Variants in REEP1 observed in about 807,000 individuals in gnomAD.
REEP1 encodes receptor expression-enhancing protein 1.
REEP1 carries 22 observed loss-of-function variants against 40.3 expected under a neutral mutation model. The observed-to-expected ratio is 0.55, with a 90% CI of 0.39 to 0.78. REEP1 has a LOEUF of 0.78. Among genes scored for constraint, REEP1 ranks in the 30% least tolerant of loss-of-function variants. The pLI, the probability that REEP1 is intolerant of heterozygous loss-of-function variation, is 0.00. For missense variants in REEP1, 280 were observed against 361.1 expected, an observed-to-expected ratio of 0.78 and a Z score of 1.82; for synonymous variants, 116 against 139.2, an observed-to-expected ratio of 0.83 and a Z score of 1.17.
chr2:86,321,701 G>A (rs969413210), intron 1 of REEP1, among the ~76,000 whole-genome samples: 3 of 152,186 alleles, frequency 2.0e-5, no homozygotes, highest in Admixed American at 6.5e-5. Context: ...AGACCAAAAA[G>A]AAATCACATT....
At chr2:86,338,036 C>A, upstream of REEP1, 2 of 1,537,238 alleles carry the variant, frequency 1.3e-6, no homozygotes, top group Non-Finnish European at 1.7e-6. Context: ...GGATCCAGAC[C>A]TAACCTCTTC....
chr2:86,334,323 G>C (rs2104552007), intron 1 of REEP1, among the ~76,000 whole-genome samples: 1 of 152,260 alleles, frequency 6.6e-6, no homozygotes, highest in African/African-American at 2.4e-5. Flanking sequence ...CACAGTGATA[G>C]GTCTTCCTTA....
intron 5 of REEP1, among the ~76,000 whole-genome samples, chr2:86,246,428 A>G (rs185538587): frequency 1.3e-5 from 2 of 152,312 alleles, no homozygotes; most frequent in East Asian, 3.9e-4. Flanking sequence ...GCTTTCTTCA[A>G]TAGGTGGACT....
intron 5 of REEP1, among the ~76,000 whole-genome samples, chr2:86,246,033 G>A (rs1384133641): frequency 6.6e-6 from 1 of 152,026 alleles, no homozygotes; most frequent in East Asian, 1.9e-4. Context: ...CAAAGTGCTG[G>A]GATTACAGGC....
At chr2:86,320,754 T>G (rs1228369619) in intron 1 of REEP1, among the ~76,000 whole-genome samples, 1 of 152,208 alleles carries the variant, frequency 6.6e-6, no homozygotes, top group Non-Finnish European at 1.5e-5. Flanking sequence ...TAGACATGGC[T>G]GAGGAGACAG....
intron 3 of REEP1, among the ~76,000 whole-genome samples, chr2:86,262,918 TACAA>T (rs1295243810): frequency 6.6e-6 from 1 of 152,206 alleles, no homozygotes; most frequent in East Asian, 1.9e-4. Context: ...AATACAGCAA[TACAA>T]AGATCTAGCT....
chr2:86,278,178 C>T (rs556680645), intron 2 of REEP1, among the ~76,000 whole-genome samples: 118 of 152,314 alleles, frequency 7.7e-4, no homozygotes, highest in African/African-American at 2.8e-3. Context: ...GACACAAATA[C>T]AGCTATGAAC....
chr2:86,307,415 T>C (rs531403747), intron 1 of REEP1, among the ~76,000 whole-genome samples: 1 of 152,326 alleles, frequency 6.6e-6, no homozygotes, highest in African/African-American at 2.4e-5. Context: ...AAAGGATTTA[T>C]GATACACTTA....
At chr2:86,250,012 A>T (rs1230992722) in intron 5 of REEP1, among the ~76,000 whole-genome samples, 1 of 152,224 alleles carries the variant, frequency 6.6e-6, no homozygotes, top group African/African-American at 2.4e-5. Context: ...TCCTGAGGCA[A>T]CTTTCAGACT....
In REEP1 at chr2:86,300,759, C is replaced by T. The variant is rs562157435; in HGVS notation, c.33-18517G>A. ...GTTTTATCTATCTTGGTTCATGTAA[C>T]CAAAACCAAAAAAGCTTAAAGAGGA... On this transcript the variant is annotated intron_variant, in intron 1 of 8. Coordinates refer to ENST00000538924, the MANE Select transcript of REEP1 (RefSeq NM_001371279.1). Among the ~76,000 whole-genome samples, 3 of 152,230 alleles carry T rather than the reference C, an allele frequency of 2.0e-5. No individual in the cohort carries two copies. In the East Asian group the frequency reaches 5.8e-4, roughly 29 times the overall value.
chr2:86,292,738 G>A (rs898650569), intron 1 of REEP1, among the ~76,000 whole-genome samples: 3 of 152,144 alleles, frequency 2.0e-5, no homozygotes, highest in African/African-American at 7.2e-5. Flanking sequence ...AAAAGGGGTG[G>A]GGGGAAAGAG....
At chr2:86,254,415 C>A (rs946948308) in intron 4 of REEP1, among the ~76,000 whole-genome samples, 4 of 152,200 alleles carry the variant, frequency 2.6e-5, no homozygotes, top group Admixed American at 1.3e-4. Flanking sequence ...AGGAAATTCA[C>A]TTTGCGTGGT....
intron 1 of REEP1, among the ~76,000 whole-genome samples, chr2:86,311,505 CT>C (rs1679763968): frequency 6.6e-6 from 1 of 152,110 alleles, no homozygotes; most frequent in Admixed American, 6.5e-5. Context: ...TTTTCCTTGC[CT>C]TTTCCTAGGT....
chr2:86,273,432 T>C (rs1677573873), intron 2 of REEP1, among the ~76,000 whole-genome samples: 1 of 152,046 alleles, frequency 6.6e-6, no homozygotes, highest in South Asian at 2.1e-4. Context: ...TATAGGTGCA[T>C]GCCACCAAGG....
At chr2:86,310,733 A>ATG (rs1236830190) in intron 1 of REEP1, among the ~76,000 whole-genome samples, 5 of 145,754 alleles carry the variant, frequency 3.4e-5, no homozygotes, top group Middle Eastern at 3.5e-3. Flanking sequence ...CTCTCTGTGT[A>ATG]TGTGTGTGTG....
At chr2:86,287,451 AT>A (rs1678453223) in intron 1 of REEP1, among the ~76,000 whole-genome samples, 1 of 152,218 alleles carries the variant, frequency 6.6e-6, no homozygotes, top group Non-Finnish European at 1.5e-5. Context: ...CAGTCTTCCA[AT>A]TCATGAAGGC....
Position 86,239,251 on chromosome 2 carries a change from A to G in REEP1, c.418-6449T>C, listed in dbSNP as rs1208242210. 2.0e-5 allele frequency among the ~76,000 whole-genome samples: 3 copies of G among 150,530 alleles called. No homozygotes were observed. In the East Asian group the frequency reaches 5.9e-4, roughly 30 times the overall value. On this transcript the variant is annotated intron_variant, in intron 5 of 8. Transcript: ENST00000538924. ...AAAAAAAAGACATAGGAGTAATTAA[A>G]ACAGCAATAACAGCAACACAGAACT...
At chr2:86,217,907 A>G (rs1674213729) in intron 8 of REEP1, among the ~76,000 whole-genome samples, 2 of 152,160 alleles carry the variant, frequency 1.3e-5, no homozygotes, top group Non-Finnish European at 2.9e-5. Context: ...CACAGATCAC[A>G]GGAGGAGTTC....
intron 1 of REEP1, among the ~76,000 whole-genome samples, chr2:86,283,360 C>A (rs1678203204): frequency 6.6e-6 from 1 of 152,182 alleles, no homozygotes; most frequent in Admixed American, 6.5e-5. Context: ...CAACTTAAGG[C>A]CAAGCTGACT....
Sources: gnomAD v4.1 joint callset for allele counts (sites outside exome capture counted in the v4.1 genomes callset) on GRCh38, gnomAD v4.1.1 for gene constraint, MANE v1.5 for transcripts, NCBI Gene and HGNC (gene_info 2026-07-23, HGNC 2026-07-21) for gene names.